The following KAZN variants were observed in gnomAD, a reference collection of about 807,000 sequenced individuals.
KAZN encodes the protein kazrin.
KAZN carries 40 observed loss-of-function variants against 87.4 expected under a neutral mutation model. The observed-to-expected ratio is 0.46, with a 90% CI of 0.36 to 0.60. The LOEUF is 0.60. KAZN is among the 20% of genes least tolerant of loss of function. KAZN has a pLI of 0.00. For missense variants in KAZN, 898 were observed against 1,073.9 expected (o/e 0.84, Z 2.29); for synonymous variants, 466 against 458.3 (o/e 1.02, Z -0.22).
intron 2 of KAZN, among the ~76,000 whole-genome samples, chr1:14,981,402 C>T (rs1557683127): frequency 1.3e-5 from 2 of 152,264 alleles, no homozygotes; most frequent in South Asian, 4.1e-4. Context: ...AGAACTCCCA[C>T]TAGCTTATAT....
chr1:14,560,494 C>T (rs545509212), intron 2 of KAZN, among the ~76,000 whole-genome samples: 26 of 152,252 alleles, frequency 1.7e-4, no homozygotes, highest in Non-Finnish European at 3.1e-4. Context: ...CAGAGAATTG[C>T]TTGAACCCAG....
intron 2 of KAZN, among the ~76,000 whole-genome samples, chr1:14,423,085 G>A (rs1028976805): frequency 1.3e-5 from 2 of 152,200 alleles, no homozygotes; most frequent in Non-Finnish European, 2.9e-5. Context: ...CTTGTTGGAA[G>A]ATCCGAAGGC....
chr1:14,751,890 G>A (rs948945416), intron 1 of KAZN, among the ~76,000 whole-genome samples: 1 of 152,168 alleles, frequency 6.6e-6, no homozygotes, highest in African/African-American at 2.4e-5. Context: ...GTCTCAGTCT[G>A]TTTTGTATTG....
At chr1:14,702,346 G>GTA (rs1376468119) in intron 1 of KAZN, among the ~76,000 whole-genome samples, 4 of 151,698 alleles carry the variant, frequency 2.6e-5, no homozygotes, top group Non-Finnish European at 5.9e-5. Flanking sequence ...GTGTGTGTGT[G>GTA]TGTGTGTGTG....
At chr1:14,187,973 A>T (rs1240890300) in intron 2 of KAZN, among the ~76,000 whole-genome samples, 2 of 151,952 alleles carry the variant, frequency 1.3e-5, no homozygotes, top group African/African-American at 4.8e-5. Flanking sequence ...TATGGGGGAA[A>T]CACCGGTGAA....
chr1:13,973,276 C>T lies in KAZN; in HGVS notation c.91+79520C>T, dbSNP rs184215599. 2.9e-3 allele frequency among the ~76,000 whole-genome samples: 435 copies of T among 152,282 alleles called. 4 individuals carry two copies. Among genetic ancestry groups the T allele is most frequent in the African/African-American group, 9.8e-3 (409 of 41,562 alleles). On this transcript the variant is annotated intron_variant, in intron 1 of 16. Transcript: ENST00000636203. Reference sequence around the variant, plus strand: ...ATCACCACCACTGTGCTGGGTATTTCCCCCTTTCCCCTCTAGATCCACTGT... The same window carrying T: ...ATCACCACCACTGTGCTGGGTATTTTCCCCTTTCCCCTCTAGATCCACTGT...
chr1:14,718,523 C>T (rs1307588290), intron 1 of KAZN, among the ~76,000 whole-genome samples: 1 of 152,148 alleles, frequency 6.6e-6, no homozygotes, highest in Non-Finnish European at 1.5e-5. Context: ...TAGGCTCTTG[C>T]GAGAATAATT....
intron 1 of KAZN, among the ~76,000 whole-genome samples, chr1:14,151,012 G>GA (rs757464885): frequency 3.3e-5 from 5 of 152,256 alleles, no homozygotes; most frequent in Non-Finnish European, 7.4e-5. Flanking sequence ...TTATATATGT[G>GA]AATGTACCTA....
intron 2 of KAZN, among the ~76,000 whole-genome samples, chr1:14,195,222 G>C (rs939255355): frequency 5.3e-5 from 8 of 152,024 alleles, no homozygotes; most frequent in Non-Finnish European, 1.0e-4. Context: ...CTTCTTCAAG[G>C]CTGTTCCTTC....
chr1:14,267,532 T>C (rs10754916), intron 2 of KAZN, among the ~76,000 whole-genome samples: 123,402 of 152,096 alleles, frequency 0.81, 50,931 homozygotes, highest in Middle Eastern at 0.92. Context: ...ACAAATACTA[T>C]ACCGTTTTTT....
At chr1:13,912,548 TA>T (rs1452017364) in intron 1 of KAZN, among the ~76,000 whole-genome samples, 6 of 152,158 alleles carry the variant, frequency 3.9e-5, no homozygotes, top group Non-Finnish European at 2.9e-5. Context: ...GATCAGATGA[TA>T]AAATTGATAA....
chr1:14,697,154 AAAAG>A (rs1184061943), intron 1 of KAZN, among the ~76,000 whole-genome samples: 2 of 124,684 alleles, frequency 1.6e-5, no homozygotes, highest in Non-Finnish European at 1.7e-5. Flanking sequence ...AAAAAAAAAA[AAAAG>A]AAAAGAAAAG....
At chr1:14,426,521 G>C (rs547323682) in intron 2 of KAZN, among the ~76,000 whole-genome samples, 1 of 152,314 alleles carries the variant, frequency 6.6e-6, no homozygotes, top group South Asian at 2.1e-4. Context: ...ATGAAAGAAT[G>C]CTGCTCTGAG....
intron 1 of KAZN, among the ~76,000 whole-genome samples, chr1:14,136,311 C>T (rs759306998): frequency 1.3e-5 from 2 of 152,130 alleles, no homozygotes; most frequent in Non-Finnish European, 1.5e-5. Flanking sequence ...ACTATTTAGC[C>T]TCACGGGGCC....
chr1:14,929,561 C>A (rs1174605128), intron 1 of KAZN, among the ~76,000 whole-genome samples: 1 of 152,164 alleles, frequency 6.6e-6, no homozygotes, highest in Non-Finnish European at 1.5e-5. Flanking sequence ...AATGGAACGT[C>A]AGCACATTTG....
At chr1:14,663,422 C>A (rs544378568) in intron 1 of KAZN, among the ~76,000 whole-genome samples, 2 of 152,274 alleles carry the variant, frequency 1.3e-5, no homozygotes, top group African/African-American at 4.8e-5. Context: ...AATACAGAAG[C>A]ACTTTTTTCC....
At chr1:14,666,180 T>C (rs1639540334) in intron 1 of KAZN, among the ~76,000 whole-genome samples, 1 of 151,822 alleles carries the variant, frequency 6.6e-6, no homozygotes, top group African/African-American at 2.4e-5. Context: ...TCAGCGAGGA[T>C]CTGTGTATCT....
chr1:14,313,429 C>G (rs768525987), intron 2 of KAZN, among the ~76,000 whole-genome samples: 10 of 152,184 alleles, frequency 6.6e-5, no homozygotes, highest in Non-Finnish European at 1.2e-4. Context: ...TTATGTTCAT[C>G]TATGCCATAA....
intron 11 of KAZN, among the ~76,000 whole-genome samples, chr1:15,102,859 TTC>T (rs2100716810): frequency 6.6e-6 from 1 of 152,344 alleles, no homozygotes; most frequent in African/African-American, 2.4e-5. Context: ...CAGCAGTGCC[TTC>T]CCCATGCCAC....
Sources: gnomAD v4.1 joint callset for allele counts (sites outside exome capture counted in the v4.1 genomes callset) on GRCh38, gnomAD v4.1.1 for gene constraint, MANE v1.5 for transcripts, NCBI Gene and HGNC (gene_info 2026-07-23, HGNC 2026-07-21) for gene names.